The following INPP4A variants were observed in gnomAD, a reference collection of about 807,000 sequenced individuals.
INPP4A encodes the protein inositol polyphosphate-4-phosphatase, type I, 107kD.
In INPP4A, 33 loss-of-function variants were observed where a neutral mutation model predicts 119.8. That is an observed-to-expected ratio of 0.28 (90% CI 0.21 to 0.37). The LOEUF is 0.37. Ranked by LOEUF, INPP4A falls within the 10% of genes least tolerant of loss-of-function variation. INPP4A has a pLI of 1.00. For missense variants in INPP4A, 956 were observed against 1,289.9 expected (o/e 0.74, Z 3.97); for synonymous variants, 496 against 500.7 (o/e 0.99, Z 0.12).
intron 10 of INPP4A, among the ~76,000 whole-genome samples, chr2:98,542,599 A>G (rs973137660): frequency 2.0e-5 from 3 of 152,138 alleles, no homozygotes; most frequent in Admixed American, 6.5e-5. Flanking sequence ...CCGATTTTCT[A>G]TGCTGAGGGT....
At chr2:98,583,469 A>G (rs1699615609) in intron 24 of INPP4A, among the ~76,000 whole-genome samples, 1 of 152,156 alleles carries the variant, frequency 6.6e-6, no homozygotes, top group Admixed American at 6.5e-5. Flanking sequence ...CTTAACACCC[A>G]TGTAGGGCAG....
At chr2:98,524,087 T>A (rs1350352727) in intron 4 of INPP4A, among the ~76,000 whole-genome samples, 1 of 152,226 alleles carries the variant, frequency 6.6e-6, no homozygotes, top group African/African-American at 2.4e-5. Context: ...TTAGCCAGCC[T>A]CCTACTGCTG....
In INPP4A at chr2:98,468,230, A is replaced by G. The variant is rs575065050; in HGVS notation, c.-166+23145A>G. 3.9e-5 allele frequency among the ~76,000 whole-genome samples: 6 copies of G among 152,256 alleles called. No individual in the cohort carries two copies. In the East Asian group the frequency reaches 1.2e-3, roughly 29 times the overall value. ...TTTTAATGTCTCAGTAAAGAAAACAATTTTATTGATTGATTGATTGATTGA... is the reference window on the plus strand; with the variant it reads ...TTTTAATGTCTCAGTAAAGAAAACAGTTTTATTGATTGATTGATTGATTGA... On this transcript the variant is annotated intron_variant, in intron 1 of 24. Transcript: ENST00000409851.
intron 22 of INPP4A, among the ~76,000 whole-genome samples, chr2:98,571,385 C>T (rs980370728): frequency 6.6e-6 from 1 of 152,156 alleles, no homozygotes; most frequent in East Asian, 1.9e-4. Context: ...CAAGGAGCCA[C>T]GAAGGTGAGC....
intron 24 of INPP4A, among the ~76,000 whole-genome samples, chr2:98,586,070 A>G (rs1478563267): frequency 6.6e-6 from 1 of 152,232 alleles, no homozygotes; most frequent in Admixed American, 6.5e-5. Context: ...ATGTTAGGCA[A>G]ACACGATTGT....
chr2:98,532,136 A>G (rs996469593), intron 4 of INPP4A, among the ~76,000 whole-genome samples: 1 of 152,192 alleles, frequency 6.6e-6, no homozygotes, highest in Non-Finnish European at 1.5e-5. Flanking sequence ...CATGACAAAG[A>G]TATCTTCCCA....
At chr2:98,531,541 T>C (rs1689215958) in intron 4 of INPP4A, among the ~76,000 whole-genome samples, 1 of 152,130 alleles carries the variant, frequency 6.6e-6, no homozygotes, top group Non-Finnish European at 1.5e-5. Flanking sequence ...TAAAAACAAA[T>C]GTACCTAGGC....
intron 1 of INPP4A, among the ~76,000 whole-genome samples, chr2:98,504,673 C>G (rs900049308): frequency 1.3e-5 from 2 of 152,194 alleles, no homozygotes; most frequent in African/African-American, 4.8e-5. Context: ...AATTTTGTTG[C>G]TACTCAGAAA....
At chr2:98,583,468 C>T (rs950179677) in intron 24 of INPP4A, among the ~76,000 whole-genome samples, 1 of 152,130 alleles carries the variant, frequency 6.6e-6, no homozygotes, top group Non-Finnish European at 1.5e-5. Context: ...CCTTAACACC[C>T]ATGTAGGGCA....
chr2:98,527,570 G>A (rs1236666005), intron 4 of INPP4A, among the ~76,000 whole-genome samples: 2 of 152,204 alleles, frequency 1.3e-5, no homozygotes, highest in Non-Finnish European at 2.9e-5. Flanking sequence ...CCAGAGCTGT[G>A]TGCATACTCA....
intron 13 of INPP4A, among the ~76,000 whole-genome samples, chr2:98,550,258 G>T (rs1172352480): frequency 6.6e-6 from 1 of 152,134 alleles, no homozygotes; most frequent in African/African-American, 2.4e-5. Flanking sequence ...ATGGAGCGGG[G>T]AGGGTTACAG....
Position 98,533,418 on chromosome 2 carries a change from A to G in INPP4A, c.193A>G (p.Asn65Asp). 6.2e-7 allele frequency: 1 copy of G among 1,613,724 alleles called. No homozygotes were observed. The highest frequency in any genetic ancestry group is 8.5e-7 in the Non-Finnish European group (1 of 1,179,832). The change falls in exon 5 of 25, where the codon AAT becomes GAT. Residue 65 changes from asparagine (N) to aspartate (D), a missense_variant. Asn to Asp is a conservative substitution (Grantham distance 23). Around this residue, in one of 2 missense-constraint regions of INPP4A, gnomAD observed 652 missense variants for 797.9 expected, o/e 0.82. Transcript: ENST00000409851. ...TACTCCATCGCTAGATCGAAAGCCA[A>G]ATAGTTTTGTTGCGGTGAGTGTCAC... Reference protein sequence around the residue: ...LHTPSLDRKPNSFVAVSVTTP... With the variant: ...LHTPSLDRKPDSFVAVSVTTP...
At chr2:98,587,002 A>G (rs755967112) in intron 24 of INPP4A, among the ~76,000 whole-genome samples, 8 of 152,246 alleles carry the variant, frequency 5.3e-5, no homozygotes, top group Non-Finnish European at 1.0e-4. Context: ...TGAATTCTGC[A>G]AGGAAAGTCA....
intron 3 of INPP4A, among the ~76,000 whole-genome samples, 184 bp from the exon 4 acceptor site, chr2:98,520,503 T>G (rs1686979849): frequency 1.1e-5 from 1 of 92,770 alleles, no homozygotes; most frequent in South Asian, 3.1e-4. Context: ...GAGCAGGGGT[T>G]TGGTTGTGGG....
intron 1 of INPP4A, among the ~76,000 whole-genome samples, chr2:98,457,948 A>T (rs529333550): frequency 6.7e-6 from 1 of 149,762 alleles, no homozygotes; most frequent in South Asian, 2.2e-4. Context: ...CTACAGGCAT[A>T]TGCCACTGTG....
rs1048772745 is a variant in INPP4A at position 98,515,618 on chromosome 2, A to T, written c.-165-3346A>T. ...GCAACTCCTTTTAAAAATTATTCTTAGAAGAACCCCAGTGAATAAGCAAAA... is the reference window on the plus strand; with the variant it reads ...GCAACTCCTTTTAAAAATTATTCTTTGAAGAACCCCAGTGAATAAGCAAAA... On this transcript the variant is annotated intron_variant, in intron 1 of 24. Transcript: ENST00000409851. Among the ~76,000 whole-genome samples the T allele has an allele frequency of 2.6e-5, 4 of 152,304 alleles. No individual in the cohort carries two copies. In the East Asian group the frequency reaches 5.8e-4, roughly 22 times the overall value.
intron 1 of INPP4A, among the ~76,000 whole-genome samples, chr2:98,464,324 G>C (rs754394344): frequency 1.3e-4 from 20 of 152,150 alleles, no homozygotes; most frequent in African/African-American, 4.8e-5. Flanking sequence ...GCATGATGGA[G>C]GCCGAGCACG....
intron 24 of INPP4A, among the ~76,000 whole-genome samples, chr2:98,584,321 G>C (rs1001652577): frequency 6.6e-6 from 1 of 152,248 alleles, no homozygotes; most frequent in Non-Finnish European, 1.5e-5. Context: ...TCCTGGTAAC[G>C]TGGTTCCAAT....
At chr2:98,526,808 T>C (rs994702905) in intron 4 of INPP4A, among the ~76,000 whole-genome samples, 2 of 152,182 alleles carry the variant, frequency 1.3e-5, no homozygotes, top group Non-Finnish European at 2.9e-5. Context: ...GTTTTATTTA[T>C]GGCAGAAGGA....
Sources: gnomAD v4.1 joint callset for allele counts (sites outside exome capture counted in the v4.1 genomes callset) on GRCh38, gnomAD v4.1.1 for gene constraint, gnomAD v4.1.1 regional missense constraint, MANE v1.5 for transcripts, NCBI Gene and HGNC (gene_info 2026-07-23, HGNC 2026-07-21) for gene names.